Variants in TET1 observed in about 807,000 individuals in gnomAD.
The protein encoded by TET1 is tet methylcytosine dioxygenase 1.
TET1 carries 13 observed loss-of-function variants against 148.7 expected under a neutral mutation model. The ratio of observed to expected loss-of-function variants is 0.09; its 90% CI spans 0.06 to 0.14. The LOEUF is 0.14. Ranked by LOEUF, TET1 falls within the 10% of genes least tolerant of loss-of-function variation. The pLI is 1.00. For missense variants in TET1, 2,182 were observed against 2,553.8 expected (o/e 0.85, Z 3.14); for synonymous variants, 907 against 937.2 (o/e 0.97, Z 0.59).
In TET1 at chr10:68,645,928, G is replaced by T. The variant is rs1433415202; in HGVS notation, c.3199G>T (p.Asp1067Tyr). 1 of 1,613,898 alleles carries T rather than the reference G, an allele frequency of 6.2e-7. No homozygotes were observed. The highest frequency in any genetic ancestry group is 2.2e-5 in the East Asian group (1 of 44,862). Residue 1067 changes from aspartate (D) to tyrosine (Y), a missense_variant, in exon 4 of 12, where the codon GAT becomes TAT. By Grantham distance (160) the Asp-to-Tyr change is radical. Transcript: ENST00000373644. ...GGACTCAGATGATCTATCATGTCAG[G>T]ATGCAACCCATACCCAAATTGAGGA... ...KLDSDDLSCQ[D>Y]ATHTQIEEDV...
At chr10:68,584,665 C>T (rs1057295624) in intron 2 of TET1, among the ~76,000 whole-genome samples, 1 of 151,562 alleles carries the variant, frequency 6.6e-6, no homozygotes, top group Non-Finnish European at 1.5e-5. Context: ...GCTGAGATCG[C>T]ACCACTGCAC....
chr10:68,595,373 G>A (rs978086201), intron 2 of TET1, among the ~76,000 whole-genome samples: 11 of 152,028 alleles, frequency 7.2e-5, no homozygotes, highest in South Asian at 2.1e-4. Context: ...AGAGGAGAGC[G>A]CGGGACATAT....
At chr10:68,643,749 G>A (rs113234816) in intron 3 of TET1, among the ~76,000 whole-genome samples, 8,620 of 151,670 alleles carry the variant, frequency 0.057, 800 homozygotes, top group African/African-American at 0.2. Flanking sequence ...GGAGGCAGAG[G>A]TTGCAGTGAT....
chr10:68,594,549 C>T (rs754438913), intron 2 of TET1, among the ~76,000 whole-genome samples: 34 of 152,126 alleles, frequency 2.2e-4, no homozygotes, highest in Non-Finnish European at 4.0e-4. Context: ...AGAGATCCAG[C>T]AGGAAAGGCT....
At chr10:68,628,067 G>A (rs1235214337) in intron 3 of TET1, among the ~76,000 whole-genome samples, 1 of 151,954 alleles carries the variant, frequency 6.6e-6, no homozygotes, top group Non-Finnish European at 1.5e-5. Context: ...GCGTGATCTC[G>A]GCTCACTTGG....
chr10:68,596,989 CATTTTATTTT>C (rs921191692), intron 2 of TET1, among the ~76,000 whole-genome samples: 28 of 138,640 alleles, frequency 2.0e-4, no homozygotes, highest in African/African-American at 7.8e-4. Flanking sequence ...AGCCTGATTT[CATTTTATTTT>C]ATTTTATTTT....
At chr10:68,579,121 C>T (rs1160694453) in intron 2 of TET1, among the ~76,000 whole-genome samples, 3 of 152,184 alleles carry the variant, frequency 2.0e-5, no homozygotes, top group Non-Finnish European at 4.4e-5. Context: ...TGATGGTTTA[C>T]AAAGTAACAT....
chr10:68,629,301 G>A (rs543844929), intron 3 of TET1, among the ~76,000 whole-genome samples: 1 of 152,034 alleles, frequency 6.6e-6, no homozygotes, highest in South Asian at 2.1e-4. Context: ...AGAGACAGAG[G>A]TTGCAGTGAG....
intron 2 of TET1, among the ~76,000 whole-genome samples, chr10:68,600,670 T>C (rs767099755): frequency 1.6e-4 from 25 of 152,212 alleles, no homozygotes; most frequent in Non-Finnish European, 3.4e-4. Context: ...TGTTCCACTG[T>C]AGAGGCTTCC....
Position 68,595,963 on chromosome 10 carries a change from C to CATATATATATATAT in TET1, c.1915-5017_1915-5016insTATATATATATATA. Among the ~76,000 whole-genome samples the CATATATATATATAT allele has an allele frequency of 7.6e-5, 2 of 26,158 alleles. 1 individual carries two copies. The highest frequency in any genetic ancestry group is 3.3e-3 in the South Asian group (2 of 604). 17.2% of individuals were successfully genotyped at this position (26,158 alleles called of 152,430 possible). A position where few individuals can be genotyped will look rare whatever the true frequency, so the allele number is the denominator to read the frequency against. On this transcript the variant is annotated intron_variant, in intron 2 of 11. Transcript: ENST00000373644. ...ATATATATATATATATATATATATA[C>CATATATATATATAT]ACACACACACACACATATATACACA...
chr10:68,666,075 T>C (rs1055521930), intron 6 of TET1, among the ~76,000 whole-genome samples: 1 of 152,106 alleles, frequency 6.6e-6, no homozygotes, highest in African/African-American at 2.4e-5. Context: ...ATGGAGGCAG[T>C]TTTAAATGGT....
At chr10:68,648,907 C>T (rs1313203738) in intron 4 of TET1, among the ~76,000 whole-genome samples, 3 of 152,192 alleles carry the variant, frequency 2.0e-5, no homozygotes, top group African/African-American at 7.2e-5. Flanking sequence ...ACCACCACAC[C>T]AGCTAACACA....
At chr10:68,664,443 C>T (rs1380488825) in intron 6 of TET1, among the ~76,000 whole-genome samples, 2 of 150,338 alleles carry the variant, frequency 1.3e-5, no homozygotes, top group Non-Finnish European at 2.9e-5. Flanking sequence ...GACAGAGTTT[C>T]TGTCTCCCAT....
At chr10:68,595,612 CTTTTTTTTTT>C (rs71470530) in intron 2 of TET1, among the ~76,000 whole-genome samples, 3 of 76,516 alleles carry the variant, frequency 3.9e-5, no homozygotes, top group African/African-American at 5.1e-5. Flanking sequence ...CACACAGCTT[CTTTTTTTTTT>C]TTTTTTTTTT....
intron 3 of TET1, among the ~76,000 whole-genome samples, chr10:68,608,019 C>G (rs939120890): frequency 6.6e-6 from 1 of 151,446 alleles, no homozygotes; most frequent in Non-Finnish European, 1.5e-5. Context: ...GCCTCCATCT[C>G]CCGGGTTCAA....
At chr10:68,574,305 T>C (rs1019117505) in intron 2 of TET1, 53 bp downstream of exon 2, 2 of 1,445,026 alleles carry the variant, frequency 1.4e-6, no homozygotes, top group African/African-American at 1.4e-5. Flanking sequence ...TATAGTGATC[T>C]ATATGCAGAG....
At chr10:68,632,050 C>A (rs1022579511) in intron 3 of TET1, among the ~76,000 whole-genome samples, 1 of 151,886 alleles carries the variant, frequency 6.6e-6, no homozygotes, top group Non-Finnish European at 1.5e-5. Flanking sequence ...TCTGGCCGGG[C>A]GTGGTGGCTC....
rs1026504447 is a variant in TET1, at chr10:68,690,702, G to A, written c.5405-106G>A. On this transcript the variant is annotated intron_variant, in intron 11 of 11. Transcript: ENST00000373644. The stretch of plus-strand genomic sequence containing the variant: ...CAAAACCAACCAACACAACATCAGC[G>A]TTTTCTTATATAATTCTTTGTACTT... 27 of 1,133,614 alleles carry A rather than the reference G, an allele frequency of 2.4e-5. No homozygotes were observed. In the Admixed American group the frequency reaches 3.3e-4, roughly 14 times the overall value. The allele number at this position is 1,133,614 out of a possible 1,614,324, so 70.2% of individuals were successfully genotyped here.
At chr10:68,605,589 C>G (rs1339033026) in intron 3 of TET1, among the ~76,000 whole-genome samples, 1 of 152,212 alleles carries the variant, frequency 6.6e-6, no homozygotes, top group Admixed American at 6.5e-5. Flanking sequence ...TCTTGGCTCA[C>G]TGCAACCTCT....
Sources: allele counts gnomAD v4.1 joint callset (sites outside exome capture counted in the v4.1 genomes callset), GRCh38; gene constraint gnomAD v4.1.1; transcripts MANE v1.5; gene names NCBI Gene and HGNC (gene_info 2026-07-23, HGNC 2026-07-21).